TCF7L1: variants seen among roughly 807,000 people sequenced by gnomAD.
TCF7L1 encodes transcription factor 7-like 1.
Under a neutral mutation model 63.7 loss-of-function variants are expected in TCF7L1, and 18 were observed. That is an observed-to-expected ratio of 0.28 (90% CI 0.20 to 0.42). TCF7L1 has a LOEUF of 0.42. Among genes scored for constraint, TCF7L1 ranks in the 10% least tolerant of loss-of-function variants. TCF7L1 has a pLI of 1.00. For synonymous variants in TCF7L1, 355 were observed against 340.9 expected (o/e 1.04, Z -0.46); for missense variants, 654 against 779.3 (o/e 0.84, Z 1.91).
rs772001663 is a variant in TCF7L1 at position 85,309,351 on chromosome 2, C to T, written c.1656C>T (p.Pro552=). 5 of 1,611,828 alleles carry T rather than the reference C, an allele frequency of 3.1e-6. No individual in the cohort carries two copies. The highest frequency in any genetic ancestry group is 3.4e-6 in the Non-Finnish European group (4 of 1,179,288). ...LSRPLPLGSM[P]TALLASPPSF... ...GGCCCCTCCCCCTTGGGTCCATGCC[C>T]ACAGCTCTGCTGGCCTCTCCCCCGT... Residue 552 remains proline, a synonymous_variant, in exon 12 of 12, where the codon CCC becomes CCT. Transcript: ENST00000282111.
rs150229790 is a variant in TCF7L1, at chr2:85,274,583, A to G, written c.442-8912A>G. ...TCCAACCCAGCTCTTGCCCACGGTC[A>G]TTGGTGTGCCTGAGCCAGCTGGCAC... is the stretch of plus-strand genomic sequence containing the variant. On this transcript the variant is annotated intron_variant, in intron 3 of 11. Transcript: ENST00000282111. 6.0e-3 allele frequency among the ~76,000 whole-genome samples: 911 copies of G among 152,270 alleles called. 9 individuals carry two copies. The highest frequency in any genetic ancestry group is 0.02 in the African/African-American group (823 of 41,548).
At chr2:85,257,901 G>T (rs926270844) in intron 3 of TCF7L1, among the ~76,000 whole-genome samples, 1 of 152,154 alleles carries the variant, frequency 6.6e-6, no homozygotes, top group East Asian at 1.9e-4. Flanking sequence ...CATGATTCGG[G>T]ATCAGGAAAT....
intron 3 of TCF7L1, among the ~76,000 whole-genome samples, chr2:85,142,092 TA>T (rs1677750678): frequency 6.6e-6 from 1 of 152,178 alleles, no homozygotes; most frequent in East Asian, 1.9e-4. Context: ...CTCCTTTTAT[TA>T]TCTGGAGCTG....
chr2:85,204,541 C>CATTTT (rs1289585323), intron 3 of TCF7L1, among the ~76,000 whole-genome samples: 6 of 152,060 alleles, frequency 3.9e-5, no homozygotes, highest in East Asian at 3.9e-4. Context: ...AGTATTTGTG[C>CATTTT]ATTTTATTTT....
At chr2:85,305,797 G>A (rs1418204770) in intron 8 of TCF7L1, among the ~76,000 whole-genome samples, 5 of 152,078 alleles carry the variant, frequency 3.3e-5, no homozygotes, top group African/African-American at 2.4e-5. Context: ...TACCTTGCCC[G>A]TGTACCATAA....
intron 3 of TCF7L1, among the ~76,000 whole-genome samples, chr2:85,153,621 G>T (rs144485132): frequency 6.6e-6 from 1 of 151,888 alleles, no homozygotes; most frequent in Non-Finnish European, 1.5e-5. Flanking sequence ...GATTACAGGC[G>T]TGAGCCACTG....
chr2:85,232,396 A>G (rs1258720568), intron 3 of TCF7L1, among the ~76,000 whole-genome samples: 1 of 152,102 alleles, frequency 6.6e-6, no homozygotes, highest in Non-Finnish European at 1.5e-5. Context: ...TTCATTATCT[A>G]ACAAATACTG....
intron 3 of TCF7L1, among the ~76,000 whole-genome samples, chr2:85,157,100 A>G (rs1028213877): frequency 6.6e-6 from 1 of 152,202 alleles, no homozygotes; most frequent in Non-Finnish European, 1.5e-5. Flanking sequence ...AAATAAAAAC[A>G]TATTCAGTAT....
rs1189466722 is a variant in TCF7L1 at position 85,309,025 on chromosome 2, CT to C, written c.1334-3del. 10 of 1,584,100 alleles carry C rather than the reference CT, an allele frequency of 6.3e-6. No individual in the cohort carries two copies. The South Asian group carries it at 6.8e-5, about 11-fold the overall frequency. On this transcript the variant is annotated splice_polypyrimidine_tract_variant and splice_region_variant and intron_variant, in intron 11 of 11. Coordinates refer to ENST00000282111, the MANE Select transcript of TCF7L1 (RefSeq NM_031283.3). ...GCTCACTCTTTCTTGTATTTTCCCC[CT>C]AGGTGCCCTGGCCTCCAAGAGCAAG...
In TCF7L1 at chr2:85,209,587, G is replaced by A. The variant is rs1679497514; in HGVS notation, c.442-73908G>A. Among the ~76,000 whole-genome samples the A allele has an allele frequency of 3.3e-5, 5 of 152,272 alleles. No homozygotes were observed. In the South Asian group the frequency reaches 8.3e-4, roughly 25 times the overall value. ...GGAACTTCAAACCTGGAAAATGCCAGGGCAGTAATTCTCAGAGTGTGGTCC... is the reference window on the plus strand; with the variant it reads ...GGAACTTCAAACCTGGAAAATGCCAAGGCAGTAATTCTCAGAGTGTGGTCC... On this transcript the variant is annotated intron_variant, in intron 3 of 11. Transcript: ENST00000282111.
intron 4 of TCF7L1, among the ~76,000 whole-genome samples, chr2:85,298,190 T>TAAAAAAAAAAAA (rs1681875794): frequency 8.1e-5 from 1 of 12,288 alleles, no homozygotes; most frequent in Non-Finnish European, 1.1e-4. Flanking sequence ...AGACTCCATC[T>TAAAAAAAAAAAA]CAAAAAAAAA....
intron 3 of TCF7L1, among the ~76,000 whole-genome samples, chr2:85,206,003 T>TG (rs1679400617): frequency 2.0e-5 from 3 of 152,260 alleles, no homozygotes; most frequent in Non-Finnish European, 4.4e-5. Flanking sequence ...CAAGAACAGA[T>TG]TGGCAGTCCA....
At chr2:85,237,927 A>G (rs1043625731) in intron 3 of TCF7L1, among the ~76,000 whole-genome samples, 1 of 151,948 alleles carries the variant, frequency 6.6e-6, no homozygotes, top group Non-Finnish European at 1.5e-5. Flanking sequence ...GCAAAGTGTG[A>G]GCGGACAAAG....
At chr2:85,214,746 TAACAGGGGC>T in intron 3 of TCF7L1, among the ~76,000 whole-genome samples, 1 of 152,186 alleles carries the variant, frequency 6.6e-6, no homozygotes, top group Non-Finnish European at 1.5e-5. Context: ...CCTATTCTGG[TAACAGGGGC>T]TCCCCGAGTT....
intron 3 of TCF7L1, among the ~76,000 whole-genome samples, chr2:85,222,341 A>C (rs985702929): frequency 7.0e-6 from 1 of 142,342 alleles, no homozygotes; most frequent in African/African-American, 2.6e-5. Flanking sequence ...ACTCCATCTC[A>C]AAAAAAAAAA....
At chr2:85,298,191 C>CA (rs759348807) in intron 4 of TCF7L1, among the ~76,000 whole-genome samples, 1,117 of 44,776 alleles carry the variant, frequency 0.025, 186 homozygotes, top group African/African-American at 0.14. Flanking sequence ...GACTCCATCT[C>CA]AAAAAAAAAA....
Position 85,227,992 on chromosome 2 carries a change from C to CAAA in TCF7L1, c.442-55481_442-55479dup, listed in dbSNP as rs34769307. ...GAGTGACAGAGCAAGACCCTGTCTCCAAAAAAAAAAAAAAAAAAAAAAAAT... is the reference window on the plus strand; with the variant it reads ...GAGTGACAGAGCAAGACCCTGTCTCCAAAAAAAAAAAAAAAAAAAAAAAAAAAT... On this transcript the variant is annotated intron_variant, in intron 3 of 11. Transcript: ENST00000282111. 2.0e-3 allele frequency among the ~76,000 whole-genome samples: 162 copies of CAAA among 79,490 alleles called. 1 individual carries two copies. Among genetic ancestry groups the CAAA allele is most frequent in the African/African-American group, 6.6e-3 (139 of 20,934 alleles). 52.1% of individuals were successfully genotyped at this position (79,490 alleles called of 152,430 possible).
intron 3 of TCF7L1, among the ~76,000 whole-genome samples, chr2:85,165,369 C>T (rs62162857): frequency 0.14 from 20,927 of 152,156 alleles, 1,681 homozygotes; most frequent in Admixed American, 0.21. Context: ...TTGAACAAGC[C>T]CAGCCTTAAA....
At chr2:85,230,170 A>G (rs1349429828) in intron 3 of TCF7L1, among the ~76,000 whole-genome samples, 2 of 152,104 alleles carry the variant, frequency 1.3e-5, no homozygotes, top group Non-Finnish European at 2.9e-5. Context: ...CACTTTCTTC[A>G]GTTGACTCCC....
Sources: gnomAD v4.1 joint callset for allele counts (sites outside exome capture counted in the v4.1 genomes callset) on GRCh38, gnomAD v4.1.1 for gene constraint, MANE v1.5 for transcripts, NCBI Gene and HGNC (gene_info 2026-07-23, HGNC 2026-07-21) for gene names.